GIGYF2: variants seen among roughly 807,000 people sequenced by gnomAD.
GIGYF2 encodes GRB10 interacting GYF protein 2.
Under a neutral mutation model 208.1 loss-of-function variants are expected in GIGYF2, and 25 were observed. The ratio of observed to expected loss-of-function variants is 0.12; its 90% CI spans 0.09 to 0.17. GIGYF2 has a LOEUF of 0.17. Ranked by LOEUF, GIGYF2 falls within the 10% of genes least tolerant of loss-of-function variation. The pLI is 1.00. For missense variants in GIGYF2, 1,302 were observed against 1,579.4 expected (o/e 0.82, Z 2.98); for synonymous variants, 534 against 543.8 (o/e 0.98, Z 0.25).
chr2:232,720,729 G>A lies in GIGYF2; in HGVS notation c.-43-14426G>A, dbSNP rs190599578. ...CCTGCCTCAGCCTCCTGAATAGCTG[G>A]GATTACAGGCATGAACCACCATGCC... On this transcript the variant is annotated intron_variant, in intron 2 of 28. Coordinates refer to ENST00000373563, the MANE Select transcript of GIGYF2 (RefSeq NM_001103146.3). Among the ~76,000 whole-genome samples, 9 of 152,110 alleles carry A rather than the reference G, an allele frequency of 5.9e-5. No homozygotes were observed. In the East Asian group the frequency reaches 1.5e-3, roughly 26 times the overall value.
At chr2:232,708,469 A>G (rs1383800387) in intron 2 of GIGYF2, among the ~76,000 whole-genome samples, 3 of 152,126 alleles carry the variant, frequency 2.0e-5, no homozygotes, top group Non-Finnish European at 4.4e-5. Flanking sequence ...GGAAAAAAAA[A>G]GCAATATTGA....
chr2:232,738,027 C>T (rs1697811753), intron 3 of GIGYF2, among the ~76,000 whole-genome samples: 1 of 147,680 alleles, frequency 6.8e-6, no homozygotes, highest in South Asian at 2.1e-4. Context: ...AGTGATTCTT[C>T]TCCCTCAACC....
At chr2:232,768,105 G>GA (rs1559415350) in intron 8 of GIGYF2, 1 of 1,379,386 alleles carries the variant, frequency 7.2e-7, no homozygotes, top group Admixed American at 1.7e-5. Flanking sequence ...AATTAGCATT[G>GA]AAAAAAGAAA....
At chr2:232,727,131 A>T (rs1697238164) in intron 2 of GIGYF2, among the ~76,000 whole-genome samples, 1 of 151,964 alleles carries the variant, frequency 6.6e-6, no homozygotes. Flanking sequence ...CACCCAGCTA[A>T]TTTTTTGTAT....
chr2:232,791,149 A>G lies in GIGYF2; in HGVS notation c.1072A>G (p.Lys358Glu). 6.2e-7 allele frequency: 1 copy of G among 1,614,054 alleles called. No homozygotes were observed. Among genetic ancestry groups the G allele is most frequent in the African/African-American group, 1.3e-5 (1 of 75,034 alleles). The change falls in exon 11 of 29, where the codon AAA becomes GAA. Residue 358 changes from lysine to glutamate, a missense_variant. Transcript: ENST00000373563. Reference protein sequence around the residue: ...PDKTNKKEGEKTDRVGVEASE... With the variant: ...PDKTNKKEGEETDRVGVEASE... ...TAAGACAAATAAGAAAGAAGGAGAG[A>G]AAACAGATAGAGTAGGAGTTGGTAA...
rs142152703 is a variant in GIGYF2 at position 232,749,851 on chromosome 2, G to T, written c.267+769G>T. Among the ~76,000 whole-genome samples, 301 of 152,192 alleles carry T rather than the reference G, an allele frequency of 2.0e-3. 6 individuals carry two copies. The highest frequency in any genetic ancestry group is 6.8e-3 in the African/African-American group (283 of 41,518). ...ATTAAAATCCTGGGCATTGGAAAGA[G>T]AATTTTTCAAGAGGGTTTTAAACTA... On this transcript the variant is annotated intron_variant, in intron 5 of 28. Transcript: ENST00000373563.
intron 21 of GIGYF2, among the ~76,000 whole-genome samples, chr2:232,829,966 T>C (rs1046506359): frequency 6.0e-5 from 9 of 149,826 alleles, no homozygotes; most frequent in Admixed American, 1.3e-4. Flanking sequence ...TTCATTCGTT[T>C]GTTTGTTTGT....
intron 12 of GIGYF2, among the ~76,000 whole-genome samples, chr2:232,794,396 T>A (rs1262259544): frequency 6.6e-6 from 1 of 152,204 alleles, no homozygotes; most frequent in African/African-American, 2.4e-5. Flanking sequence ...TCAGAAGATT[T>A]AGGGTGCATT....
At chr2:232,749,104 C>G (rs201232635) in intron 5 of GIGYF2, 22 bp downstream of exon 5, 621 of 1,131,746 alleles carry the variant, frequency 5.5e-4, no homozygotes, top group Non-Finnish European at 7.6e-4. Context: ...GCTCTGAGCC[C>G]CAGCAAACTC....
intron 8 of GIGYF2, among the ~76,000 whole-genome samples, chr2:232,784,386 C>CTTTTTTTTCTT (rs1699831975): frequency 1.1e-5 from 1 of 92,312 alleles, no homozygotes; most frequent in Non-Finnish European, 2.0e-5. Flanking sequence ...GAAATAATTT[C>CTTTTTTTTCTT]TTTTTTTTTT....
intron 28 of GIGYF2, among the ~76,000 whole-genome samples, chr2:232,852,366 T>C (rs1351641348): frequency 6.6e-6 from 1 of 151,958 alleles, no homozygotes; most frequent in Admixed American, 6.6e-5. Flanking sequence ...GCCAACATGG[T>C]GAAACCTCGT....
chr2:232,845,691 A>G (rs890386375), intron 25 of GIGYF2, 41 bp from the exon 26 acceptor site: 8 of 1,502,572 alleles, frequency 5.3e-6, no homozygotes, highest in African/African-American at 4.1e-5. Flanking sequence ...ATATAGTAAC[A>G]GTTTCTGGGA....
intron 2 of GIGYF2, among the ~76,000 whole-genome samples, chr2:232,719,967 G>T (rs1017198572): frequency 2.0e-5 from 3 of 151,916 alleles, no homozygotes; most frequent in Admixed American, 2.0e-4. Context: ...GTGCAGTTTT[G>T]TTACATAGTT....
intron 28 of GIGYF2, 103 bp downstream of exon 28, chr2:232,850,512 T>C (rs1346862099): frequency 3.6e-6 from 4 of 1,110,180 alleles, no homozygotes; most frequent in Non-Finnish European, 5.4e-6. Flanking sequence ...AAGGGAAATA[T>C]TTCTTTTTAT....
intron 23 of GIGYF2, among the ~76,000 whole-genome samples, chr2:232,840,680 G>A (rs1339079543): frequency 6.6e-6 from 1 of 152,196 alleles, no homozygotes; most frequent in Non-Finnish European, 1.5e-5. Flanking sequence ...AGAAAATGAA[G>A]CGTATGAGAG....
At chr2:232,697,680 C>T (rs1302661530) in intron 1 of GIGYF2, among the ~76,000 whole-genome samples, 1 of 152,256 alleles carries the variant, frequency 6.6e-6, no homozygotes, top group Non-Finnish European at 1.5e-5. Context: ...AGGCCAGGGC[C>T]TCTTGGCATT....
intron 2 of GIGYF2, among the ~76,000 whole-genome samples, chr2:232,707,280 C>G (rs1696162623): frequency 1.3e-5 from 2 of 152,120 alleles, no homozygotes; most frequent in Non-Finnish European, 2.9e-5. Flanking sequence ...CTTGGGAGCT[C>G]TGGTCTCTTC....
intron 7 of GIGYF2, among the ~76,000 whole-genome samples, 185 bp from the exon 8 acceptor site, chr2:232,761,211 A>G (rs1053240203): frequency 3.2e-4 from 48 of 152,268 alleles, no homozygotes; most frequent in African/African-American, 1.1e-3. Context: ...AGGTGAGGGG[A>G]TGGATATTTT....
intron 8 of GIGYF2, among the ~76,000 whole-genome samples, chr2:232,762,486 C>T (rs1285601816): frequency 2.0e-5 from 3 of 151,832 alleles, no homozygotes; most frequent in Non-Finnish European, 2.9e-5. Flanking sequence ...CTCCTGACCT[C>T]GTGATCCACC....
Sources: allele counts gnomAD v4.1 joint callset (sites outside exome capture counted in the v4.1 genomes callset), GRCh38; gene constraint gnomAD v4.1.1; transcripts MANE v1.5; gene names NCBI Gene and HGNC (gene_info 2026-07-23, HGNC 2026-07-21).